Variants in TAFA1 observed in about 807,000 individuals in gnomAD.
TAFA1 encodes TAFA chemokine like family member 1.
Under a neutral mutation model 18.5 loss-of-function variants are expected in TAFA1, and 4 were observed. That is an observed-to-expected ratio of 0.22 (90% confidence interval 0.11 to 0.49). The LOEUF (loss-of-function observed/expected upper bound fraction) is 0.49. Among genes scored for constraint, TAFA1 ranks in the 20% least tolerant of loss-of-function variants. TAFA1 has a pLI of 0.98. For synonymous variants in TAFA1, 56 were observed against 55.2 expected, an observed-to-expected ratio of 1.01 and a Z score of -0.06; for missense variants, 147 against 169.0, an observed-to-expected ratio of 0.87 and a Z score of 0.72.
chr3:67,999,287 C>CTGTGTG (rs796820506), upstream of TAFA1, among the ~76,000 whole-genome samples: 12,095 of 147,546 alleles, frequency 0.082, 591 homozygotes, highest in Middle Eastern at 0.096. Flanking sequence ...CCCCCTCTCT[C>CTGTGTG]TGTGTGTGTG....
chr3:68,248,977 A>T (rs148541850), intron 2 of TAFA1, among the ~76,000 whole-genome samples: 48 of 151,748 alleles, frequency 3.2e-4, no homozygotes, highest in African/African-American at 1.1e-3. Context: ...CTGCCACAGA[A>T]CTCTCTTCAC....
At chr3:68,295,751 C>A (rs1018457098) in intron 2 of TAFA1, among the ~76,000 whole-genome samples, 3 of 152,150 alleles carry the variant, frequency 2.0e-5, no homozygotes, top group East Asian at 1.9e-4. Context: ...GGATTACAAG[C>A]ATGTGCCAGT....
intron 2 of TAFA1, among the ~76,000 whole-genome samples, chr3:68,254,114 T>TATGC (rs2067248359): frequency 1.5e-5 from 2 of 130,334 alleles, no homozygotes; most frequent in African/African-American, 6.0e-5. Context: ...TCTATGTATG[T>TATGC]ATGTATGTAT....
chr3:68,250,332 C>G (rs566197493), intron 2 of TAFA1, among the ~76,000 whole-genome samples: 2 of 152,080 alleles, frequency 1.3e-5, no homozygotes, highest in Admixed American at 6.6e-5. Context: ...GATCTTATAG[C>G]GTAAGATTAT....
At chr3:68,008,608 G>A (rs1386431292) in intron 2 of TAFA1, among the ~76,000 whole-genome samples, 2 of 152,112 alleles carry the variant, frequency 1.3e-5, no homozygotes, top group East Asian at 1.9e-4. Flanking sequence ...ACGATTCACC[G>A]CCAGAGCCTG....
At chr3:68,209,876 A>G (rs1031591015) in intron 2 of TAFA1, among the ~76,000 whole-genome samples, 5 of 152,034 alleles carry the variant, frequency 3.3e-5, no homozygotes, top group Non-Finnish European at 2.9e-5. Flanking sequence ...TCAAAAATAC[A>G]TAGTTCAAAT....
rs148328484 is a variant in TAFA1 at position 68,021,411 on chromosome 3, G to A, written c.118+14667G>A. Among the ~76,000 whole-genome samples the A allele has an allele frequency of 1.5e-3, 235 of 152,130 alleles. 1 individual carries two copies. Among genetic ancestry groups the A allele is most frequent in the African/African-American group, 5.4e-3 (223 of 41,516 alleles). ...CTAGTCAGCTGAAATCTTACAGTGT[G>A]TATCCACACTTCTTGGGATGTTTTT... On this transcript the variant is annotated intron_variant, in intron 2 of 4. Coordinates refer to ENST00000478136, the MANE Select transcript of TAFA1 (RefSeq NM_213609.4).
intron 3 of TAFA1, among the ~76,000 whole-genome samples, chr3:68,519,850 G>A (rs1032327566): frequency 6.6e-6 from 1 of 152,168 alleles, no homozygotes; most frequent in Admixed American, 6.5e-5. Flanking sequence ...CCATCATGTT[G>A]CAGGTTAGGA....
At chr3:68,065,943 A>G (rs2064672891) in intron 2 of TAFA1, among the ~76,000 whole-genome samples, 2 of 152,160 alleles carry the variant, frequency 1.3e-5, no homozygotes, top group Admixed American at 1.3e-4. Flanking sequence ...TGAAATGTGC[A>G]ACAACATGGA....
At chr3:68,475,626 G>T (rs978079174) in intron 3 of TAFA1, among the ~76,000 whole-genome samples, 2 of 152,186 alleles carry the variant, frequency 1.3e-5, no homozygotes, top group African/African-American at 4.8e-5. Context: ...ATATACGTGT[G>T]CATGTGTCTT....
chr3:68,002,535 C>T (rs1359960077), upstream of TAFA1, among the ~76,000 whole-genome samples: 1 of 152,196 alleles, frequency 6.6e-6, no homozygotes, highest in Admixed American at 6.5e-5. Flanking sequence ...CAACCAACAA[C>T]AATCACGGGG....
At chr3:68,526,970 CTT>C (rs1227326360) in intron 3 of TAFA1, among the ~76,000 whole-genome samples, 1 of 152,098 alleles carries the variant, frequency 6.6e-6, no homozygotes, top group Non-Finnish European at 1.5e-5. Flanking sequence ...TAGGGTCACT[CTT>C]AAATAATTTG....
At chr3:68,355,368 T>A (rs2069341653) in intron 2 of TAFA1, among the ~76,000 whole-genome samples, 2 of 152,000 alleles carry the variant, frequency 1.3e-5, no homozygotes, top group African/African-American at 2.4e-5. Flanking sequence ...TTCAGAGGCA[T>A]GTGACTTCTG....
At chr3:68,213,929 C>G (rs1303541487) in intron 2 of TAFA1, among the ~76,000 whole-genome samples, 1 of 152,042 alleles carries the variant, frequency 6.6e-6, no homozygotes, top group African/African-American at 2.4e-5. Flanking sequence ...GCCTTAACCT[C>G]AGATGGTTAT....
At chr3:68,521,714 C>A (rs2073024827) in intron 3 of TAFA1, among the ~76,000 whole-genome samples, 1 of 151,718 alleles carries the variant, frequency 6.6e-6, no homozygotes, top group Non-Finnish European at 1.5e-5. Context: ...CAGTGGTAAA[C>A]TAAATCAAGT....
chr3:68,428,568 G>A (rs565981452), intron 3 of TAFA1, among the ~76,000 whole-genome samples: 1 of 151,820 alleles, frequency 6.6e-6, no homozygotes, highest in Non-Finnish European at 1.5e-5. Flanking sequence ...AAGAACAGAT[G>A]GGTTTGAGAT....
At chr3:68,159,456 A>G (rs1407313111) in intron 2 of TAFA1, among the ~76,000 whole-genome samples, 1 of 152,190 alleles carries the variant, frequency 6.6e-6, no homozygotes. Context: ...TATTAGCAAC[A>G]CTTTCTGTAA....
intron 2 of TAFA1, among the ~76,000 whole-genome samples, chr3:68,302,781 A>G (rs963740983): frequency 1.7e-4 from 26 of 152,272 alleles, no homozygotes; most frequent in African/African-American, 6.0e-4. Flanking sequence ...ACATTTGCTA[A>G]CTATACAAAC....
intron 2 of TAFA1, among the ~76,000 whole-genome samples, chr3:68,234,824 A>T (rs1275298835): frequency 6.6e-6 from 1 of 152,226 alleles, no homozygotes; most frequent in African/African-American, 2.4e-5. Context: ...ACTGAAAATC[A>T]CATAAAGGCA....
Sources: gnomAD v4.1 joint callset for allele counts (sites outside exome capture counted in the v4.1 genomes callset) on GRCh38, gnomAD v4.1.1 for gene constraint, MANE v1.5 for transcripts, NCBI Gene and HGNC (gene_info 2026-07-23, HGNC 2026-07-21) for gene names.